Variants in DDX10 observed in about 807,000 individuals in gnomAD.
DDX10 encodes DEAD-box helicase 10.
Under a neutral mutation model 104.3 loss-of-function variants are expected in DDX10, and 74 were observed. The ratio of observed to expected loss-of-function variants is 0.71; its 90% CI spans 0.59 to 0.86. The LOEUF (loss-of-function observed/expected upper bound fraction) is 0.86, where lower values mean the gene tolerates loss of function less well. DDX10 is among the 40% of genes least tolerant of loss of function. The probability of loss-of-function intolerance (pLI) is 0.00; values close to 1 mark genes in which losing one functional copy is unlikely to be tolerated. For synonymous variants in DDX10, 351 were observed against 353.4 expected (o/e 0.99, Z 0.08); for missense variants, 952 against 1,040.0 (o/e 0.92, Z 1.16).
At chr11:108,867,091 CA>C (rs1328161780) in intron 16 of DDX10, among the ~76,000 whole-genome samples, 1 of 152,006 alleles carries the variant, frequency 6.6e-6, no homozygotes, top group African/African-American at 2.4e-5. Flanking sequence ...TAAGTGGGGT[CA>C]AATGTGCTAG....
chr11:108,711,143 T>C (rs933388841), intron 10 of DDX10, among the ~76,000 whole-genome samples: 1 of 152,252 alleles, frequency 6.6e-6, no homozygotes, highest in African/African-American at 2.4e-5. Context: ...CCCATGACTG[T>C]ATATGCATTC....
At chr11:108,803,885 T>C (rs1047834482) in intron 13 of DDX10, among the ~76,000 whole-genome samples, 2 of 152,204 alleles carry the variant, frequency 1.3e-5, no homozygotes, top group African/African-American at 4.8e-5. Flanking sequence ...GTTTTCTTTT[T>C]GCTATCCTAT....
At chr11:108,793,701 AC>A (rs1196154744) in intron 13 of DDX10, among the ~76,000 whole-genome samples, 1 of 152,138 alleles carries the variant, frequency 6.6e-6, no homozygotes, top group Non-Finnish European at 1.5e-5. Context: ...AATTATAGTA[AC>A]CCTACTCTGC....
chr11:108,882,169 T>C (rs1863235674), intron 16 of DDX10, among the ~76,000 whole-genome samples: 2 of 152,180 alleles, frequency 1.3e-5, no homozygotes, highest in Non-Finnish European at 2.9e-5. Flanking sequence ...ATAGATTAGA[T>C]AATCACTCCA....
At chr11:108,846,831 A>C (rs1288050626) in intron 15 of DDX10, among the ~76,000 whole-genome samples, 2 of 151,702 alleles carry the variant, frequency 1.3e-5, no homozygotes, top group African/African-American at 4.8e-5. Context: ...ACCAGACCAG[A>C]CCAGACCAGA....
At chr11:108,913,454 CA>C (rs1202588484) in intron 16 of DDX10, among the ~76,000 whole-genome samples, 3 of 152,132 alleles carry the variant, frequency 2.0e-5, no homozygotes, top group Admixed American at 6.5e-5. Flanking sequence ...AGGAAGCAAT[CA>C]GATAAGCATT....
Position 108,677,085 on chromosome 11 carries a change from G to T in DDX10, c.379G>T (p.Val127Leu), listed in dbSNP as rs574466072. The change falls in exon 4 of 18, where the codon GTG becomes TTG. Residue 127 changes from valine to leucine, a missense_variant and splice_region_variant. By Grantham distance (32) the Val-to-Leu change is conservative. Around this residue, in one of 3 missense-constraint regions of DDX10, gnomAD observed 412 missense variants for 479.2 expected, o/e 0.86. Transcript: ENST00000322536. ...AACATGAATTTGCTGTCTTTTTGAG[G>T]TGCTGGAAGCCTTATATCGTCTGCA... Reference protein sequence around the residue: ...SGKTLAFLVPVLEALYRLQWT... With the variant: ...SGKTLAFLVPLLEALYRLQWT... 4.4e-6 allele frequency: 7 copies of T among 1,602,252 alleles called. No homozygotes were observed. In the African/African-American group the frequency reaches 6.7e-5, roughly 15 times the overall value.
intron 13 of DDX10, among the ~76,000 whole-genome samples, chr11:108,803,393 A>T (rs545301211): frequency 5.9e-5 from 9 of 152,094 alleles, no homozygotes; most frequent in Admixed American, 5.9e-4. Flanking sequence ...CGTGAGTTTG[A>T]GACCAGCCTG....
chr11:108,845,030 A>C (rs1862694726), intron 15 of DDX10, among the ~76,000 whole-genome samples: 1 of 151,980 alleles, frequency 6.6e-6, no homozygotes, highest in African/African-American at 2.4e-5. Context: ...CCCCATCTCT[A>C]CTAAAAAAAT....
intron 7 of DDX10, 60 bp downstream of exon 7, chr11:108,689,122 A>G: frequency 6.5e-7 from 1 of 1,546,544 alleles, no homozygotes. Flanking sequence ...GAAATGGCAA[A>G]TCAATTAGAC....
chr11:108,903,752 C>T (rs371614864), intron 16 of DDX10, among the ~76,000 whole-genome samples: 1 of 152,090 alleles, frequency 6.6e-6, no homozygotes, highest in Non-Finnish European at 1.5e-5. Context: ...TGGAACCAAG[C>T]CCCCACAGAT....
intron 16 of DDX10, among the ~76,000 whole-genome samples, chr11:108,913,293 G>A (rs369486353): frequency 1.3e-5 from 2 of 152,016 alleles, no homozygotes; most frequent in Admixed American, 6.5e-5. Flanking sequence ...GCAGGGAGGG[G>A]ACTTCCAGGT....
intron 13 of DDX10, among the ~76,000 whole-genome samples, chr11:108,764,254 A>C (rs2726922): frequency 0.12 from 18,757 of 152,276 alleles, 1,572 homozygotes; most frequent in East Asian, 0.27. Context: ...AGCCACATAC[A>C]GCACATGATG....
chr11:108,807,817 GA>G (rs1862120925), intron 13 of DDX10, among the ~76,000 whole-genome samples: 1 of 152,182 alleles, frequency 6.6e-6, no homozygotes, highest in Non-Finnish European at 1.5e-5. Flanking sequence ...TAGAATGTAG[GA>G]CGAGAAGGCT....
intron 13 of DDX10, among the ~76,000 whole-genome samples, chr11:108,760,861 C>T (rs1052164894): frequency 3.3e-5 from 5 of 151,768 alleles, no homozygotes; most frequent in African/African-American, 1.2e-4. Context: ...TTAGTCATTG[C>T]CACATATTCC....
intron 1 of DDX10, among the ~76,000 whole-genome samples, chr11:108,669,956 T>G (rs1330668267): frequency 6.6e-6 from 1 of 152,218 alleles, no homozygotes; most frequent in East Asian, 1.9e-4. Flanking sequence ...TGCTGCCACC[T>G]AGATTTTAGC....
At chr11:108,827,839 T>G (rs940211605) in intron 13 of DDX10, among the ~76,000 whole-genome samples, 1 of 152,242 alleles carries the variant, frequency 6.6e-6, no homozygotes, top group Non-Finnish European at 1.5e-5. Context: ...AAGACAAACT[T>G]TGTTCCTGTA....
At chr11:108,935,744 C>G (rs973281371) in intron 17 of DDX10, among the ~76,000 whole-genome samples, 4 of 152,116 alleles carry the variant, frequency 2.6e-5, no homozygotes, top group Non-Finnish European at 5.9e-5. Context: ...ATGATGACTT[C>G]CAACCTTTTC....
At chr11:108,880,355 A>C (rs1207493366) in intron 16 of DDX10, among the ~76,000 whole-genome samples, 3 of 152,190 alleles carry the variant, frequency 2.0e-5, no homozygotes, top group East Asian at 3.8e-4. Context: ...CTGTCTCCAA[A>C]TACAGCCACA....
Sources: gnomAD v4.1 joint callset for allele counts (sites outside exome capture counted in the v4.1 genomes callset) on GRCh38, gnomAD v4.1.1 for gene constraint, gnomAD v4.1.1 regional missense constraint, MANE v1.5 for transcripts, NCBI Gene and HGNC (gene_info 2026-07-23, HGNC 2026-07-21) for gene names.